DIS3L2: variants seen among roughly 807,000 people sequenced by gnomAD.
DIS3L2 encodes DIS3 like 3'-5' exoribonuclease 2, also known as DIS3-like exonuclease 2.
DIS3L2 carries 34 observed loss-of-function variants against 97.5 expected under a neutral mutation model. The observed-to-expected ratio is 0.35, with a 90% CI of 0.27 to 0.46. The LOEUF (loss-of-function observed/expected upper bound fraction) is 0.46, where lower values mean the gene tolerates loss of function less well. DIS3L2 is among the 20% of genes least tolerant of loss of function. The probability of loss-of-function intolerance (pLI) is 1.00; values close to 1 mark genes in which losing one functional copy is unlikely to be tolerated. For missense variants in DIS3L2, 1,038 were observed against 1,146.0 expected, an observed-to-expected ratio of 0.91 and a Z score of 1.36; for synonymous variants, 435 against 445.2, an observed-to-expected ratio of 0.98 and a Z score of 0.29.
At chr2:232,171,908 G>A (rs978240438) in intron 9 of DIS3L2, among the ~76,000 whole-genome samples, 16 of 152,136 alleles carry the variant, frequency 1.1e-4, no homozygotes, top group African/African-American at 3.6e-4. Flanking sequence ...TCTGAACCAG[G>A]AGGAAAAATG....
At chr2:232,024,439 T>C (rs1374209863) in intron 4 of DIS3L2, 109 bp downstream of exon 4, 1 of 837,514 alleles carries the variant, frequency 1.2e-6, no homozygotes, top group South Asian at 1.7e-5. Flanking sequence ...TGAAACAAAA[T>C]TGACGATGGG....
chr2:232,204,307 CAG>C (rs1342824552), intron 9 of DIS3L2, among the ~76,000 whole-genome samples: 2 of 152,256 alleles, frequency 1.3e-5, no homozygotes, highest in African/African-American at 4.8e-5. Flanking sequence ...GACAAAGGAA[CAG>C]AAATTATTTC....
chr2:232,281,994 G>A lies in DIS3L2; in HGVS notation c.1660-18046G>A, dbSNP rs149848369. ...GCACACAGGCACTTAGGAGCAGCAC[G>A]TGGCACCCATGAAAGCCTCCATCCC... is the stretch of plus-strand genomic sequence containing the variant. On this transcript the variant is annotated intron_variant, in intron 13 of 20. Coordinates refer to ENST00000325385, the MANE Select transcript of DIS3L2 (RefSeq NM_152383.5). The surrounding 1 kb of genome is among the most constrained non-coding windows in gnomAD (Gnocchi z 4.1). Among the ~76,000 whole-genome samples the A allele has an allele frequency of 8.7e-4, 133 of 152,128 alleles. No homozygotes were observed. The highest frequency in any genetic ancestry group is 3.1e-3 in the African/African-American group (128 of 41,498).
intron 10 of DIS3L2, among the ~76,000 whole-genome samples, chr2:232,221,441 T>C (rs1692504788): frequency 6.6e-6 from 1 of 152,178 alleles, no homozygotes; most frequent in South Asian, 2.1e-4. Flanking sequence ...TTCAGCTCAC[T>C]GAAGAGGATA....
intron 9 of DIS3L2, among the ~76,000 whole-genome samples, chr2:232,169,176 T>G (rs777352051): frequency 3.3e-5 from 5 of 152,146 alleles, no homozygotes; most frequent in African/African-American, 1.2e-4. Context: ...TTGATTTTCC[T>G]AGGAATGTCA....
intron 12 of DIS3L2, among the ~76,000 whole-genome samples, chr2:232,250,842 C>A (rs1693398015): frequency 6.6e-6 from 1 of 152,096 alleles, no homozygotes; most frequent in African/African-American, 2.4e-5. Context: ...TGAGTCGGGA[C>A]ATGGGAAAAT....
intron 9 of DIS3L2, among the ~76,000 whole-genome samples, chr2:232,195,955 G>T (rs1440495647): frequency 6.6e-6 from 1 of 152,280 alleles, no homozygotes; most frequent in Admixed American, 6.5e-5. Flanking sequence ...TTGTTTTAAA[G>T]TTAAAGTATG....
chr2:231,965,360 T>C, intron 1 of DIS3L2, among the ~76,000 whole-genome samples: 1 of 152,104 alleles, frequency 6.6e-6, no homozygotes, highest in East Asian at 1.9e-4. Context: ...AAGGAGAGTG[T>C]GTGTGTTTAG....
At chr2:232,047,730 C>T (rs1206664629) in intron 5 of DIS3L2, among the ~76,000 whole-genome samples, 1 of 152,198 alleles carries the variant, frequency 6.6e-6, no homozygotes, top group African/African-American at 2.4e-5. Context: ...TCTCTGTTCC[C>T]CTTCTTCCCA....
Position 232,271,488 on chromosome 2 carries a change from G to T in DIS3L2, c.1659+8048G>T, listed in dbSNP as rs574562850. On this transcript the variant is annotated intron_variant, in intron 13 of 20. Coordinates refer to ENST00000325385, the MANE Select transcript of DIS3L2 (RefSeq NM_152383.5). ...AAACAGTACAGGAAGGCTTCTGCTA[G>T]AAGTTCAAGGCTTCCATTTAAACAT... is the stretch of plus-strand genomic sequence containing the variant. Among the ~76,000 whole-genome samples the T allele has an allele frequency of 5.9e-5, 9 of 152,334 alleles. No individual in the cohort carries two copies. The East Asian group carries it at 1.7e-3, about 29-fold the overall frequency.
intron 9 of DIS3L2, among the ~76,000 whole-genome samples, chr2:232,207,748 A>G (rs1692070326): frequency 1.3e-5 from 2 of 152,202 alleles, no homozygotes; most frequent in Admixed American, 1.3e-4. Flanking sequence ...TACCAGATCC[A>G]TAATCTTAAA....
At chr2:232,263,505 G>A in intron 13 of DIS3L2, 65 bp downstream of exon 13, 2 of 1,505,812 alleles carry the variant, frequency 1.3e-6, no homozygotes, top group African/African-American at 1.4e-5. Flanking sequence ...GCGTGGATGA[G>A]CGCAGCTTGG....
intron 9 of DIS3L2, among the ~76,000 whole-genome samples, chr2:232,182,978 T>C (rs1574931178): frequency 6.6e-6 from 1 of 152,182 alleles, no homozygotes; most frequent in South Asian, 2.1e-4. Flanking sequence ...GTGTTCCCTC[T>C]AAGTTCGTAG....
intron 11 of DIS3L2, among the ~76,000 whole-genome samples, chr2:232,241,691 C>T (rs1693103827): frequency 6.6e-6 from 1 of 152,180 alleles, no homozygotes; most frequent in African/African-American, 2.4e-5. Context: ...GGGACACCTG[C>T]CCACCTGAAT....
In DIS3L2 at chr2:232,061,305, G is replaced by A. The variant is rs1237618640; in HGVS notation, c.367-26182G>A. ...CCTAGTTGATGAAAAATAGCTTTCT[G>A]TTTGTTACCTGGCTTAGGTGTCCTC... On this transcript the variant is annotated intron_variant, in intron 5 of 20. Coordinates refer to ENST00000325385, the MANE Select transcript of DIS3L2 (RefSeq NM_152383.5). Among the ~76,000 whole-genome samples the A allele has an allele frequency of 2.6e-5, 4 of 152,200 alleles. No individual in the cohort carries two copies. In the South Asian group the frequency reaches 6.2e-4, roughly 24 times the overall value.
At chr2:232,134,528 A>G (rs1698305211) in intron 7 of DIS3L2, among the ~76,000 whole-genome samples, 1 of 152,108 alleles carries the variant, frequency 6.6e-6, no homozygotes, top group South Asian at 2.1e-4. Context: ...GAGGTGATAG[A>G]ATATGGTGGT....
chr2:232,015,549 G>C lies in DIS3L2; in HGVS notation c.88G>C (p.Ala30Pro). 6.2e-7 allele frequency: 1 copy of C among 1,614,030 alleles called. No individual in the cohort carries two copies. Among genetic ancestry groups the C allele is most frequent in the South Asian group, 1.1e-5 (1 of 91,082 alleles). Residue 30 changes from alanine to proline, a missense_variant, in exon 3 of 21, where the codon GCT (alanine) becomes CCT (proline). Around this residue, in one of 3 missense-constraint regions of DIS3L2, gnomAD observed 813 missense variants for 880.1 expected, o/e 0.92. Coordinates refer to ENST00000325385, the MANE Select transcript of DIS3L2 (RefSeq NM_152383.5). ...TGTGGCTGGTCCACATGACATTGGTGCTTCGCCAGGTGACAAAAAGTCAAA... is the reference window on the plus strand; with the variant it reads ...TGTGGCTGGTCCACATGACATTGGTCCTTCGCCAGGTGACAAAAAGTCAAA... The part of the protein sequence containing the change: ...SAVAGPHDIG[A>P]SPGDKKSKNR...
At chr2:232,052,353 T>A (rs776222591) in intron 5 of DIS3L2, among the ~76,000 whole-genome samples, 2 of 152,196 alleles carry the variant, frequency 1.3e-5, no homozygotes, top group Non-Finnish European at 2.9e-5. Flanking sequence ...GTTTACAGAG[T>A]TAAATAAACT....
Position 232,264,781 on chromosome 2 carries a change from C to T in DIS3L2, c.1659+1341C>T, listed in dbSNP as rs1693811813. 2.0e-5 allele frequency among the ~76,000 whole-genome samples: 3 copies of T among 152,224 alleles called. 1 individual carries two copies. In the South Asian group the frequency reaches 6.2e-4, roughly 32 times the overall value. ...ACTTGCACAAATGCTTCTAAGCAGG[C>T]ATTGCAAATAGGTGCTGCCCTGGGC... is the stretch of plus-strand genomic sequence containing the variant. On this transcript the variant is annotated intron_variant, in intron 13 of 20. Transcript: ENST00000325385.
Sources: allele counts gnomAD v4.1 joint callset (sites outside exome capture counted in the v4.1 genomes callset), GRCh38; gene constraint gnomAD v4.1.1; regional missense constraint gnomAD v4.1.1; non-coding constraint Gnocchi (gnomAD v3.1); transcripts MANE v1.5; gene names NCBI Gene and HGNC (gene_info 2026-07-23, HGNC 2026-07-21).